KCNMB4: variants seen among roughly 807,000 people sequenced by gnomAD.
KCNMB4 encodes potassium calcium-activated channel subfamily M regulatory beta subunit 4, also known as calcium-activated potassium channel subunit beta-4.
In KCNMB4, 3 loss-of-function variants were observed where a neutral mutation model predicts 20.7. That is an observed-to-expected ratio of 0.14 (90% CI 0.07 to 0.37). The LOEUF is 0.37. Among genes scored for constraint, KCNMB4 ranks in the 10% least tolerant of loss-of-function variants. The pLI is 1.00. For missense variants in KCNMB4, 168 were observed against 265.9 expected, an observed-to-expected ratio of 0.63 and a Z score of 2.56; for synonymous variants, 110 against 113.4, an observed-to-expected ratio of 0.97 and a Z score of 0.19.
At chr12:70,369,064 A>G (rs2172868) in intron 1 of KCNMB4, among the ~76,000 whole-genome samples, 30,272 of 152,146 alleles carry the variant, frequency 0.2, 3,418 homozygotes, top group African/African-American at 0.3. Flanking sequence ...TACCTGAACA[A>G]AATACATTTT....
At chr12:70,389,587 G>T (rs564345376) in intron 1 of KCNMB4, among the ~76,000 whole-genome samples, 1 of 152,246 alleles carries the variant, frequency 6.6e-6, no homozygotes, top group South Asian at 2.1e-4. Flanking sequence ...CCAGCTACTT[G>T]GGGGGCTAAG....
intron 2 of KCNMB4, among the ~76,000 whole-genome samples, chr12:70,423,408 G>C (rs1869121147): frequency 6.6e-6 from 1 of 152,090 alleles, no homozygotes; most frequent in South Asian, 2.1e-4. Context: ...TTCGTTCATA[G>C]ATAGGAAGCA....
chr12:70,402,165 T>G (rs1868469506), intron 2 of KCNMB4, among the ~76,000 whole-genome samples: 1 of 152,144 alleles, frequency 6.6e-6, no homozygotes, highest in Non-Finnish European at 1.5e-5. Context: ...GCCTTTTTAT[T>G]TGCTTTTCCT....
intron 1 of KCNMB4, among the ~76,000 whole-genome samples, chr12:70,396,036 C>T (rs182549077): frequency 3.9e-5 from 6 of 152,280 alleles, no homozygotes; most frequent in Admixed American, 3.9e-4. Context: ...GTGCATTTCT[C>T]TGAGGATGTA....
chr12:70,404,909 AAG>A (rs890433591), intron 2 of KCNMB4, among the ~76,000 whole-genome samples: 4 of 152,210 alleles, frequency 2.6e-5, no homozygotes, highest in Admixed American at 2.6e-4. Context: ...AGCGAAGACA[AAG>A]AGTGCATATT....
chr12:70,373,716 CTTTAGA>C (rs1410034838), intron 1 of KCNMB4, among the ~76,000 whole-genome samples: 11 of 152,166 alleles, frequency 7.2e-5, no homozygotes, highest in African/African-American at 2.7e-4. Context: ...CAGAATATCT[CTTTAGA>C]AACAATCTAA....
chr12:70,390,464 G>T (rs1868290193), intron 1 of KCNMB4, among the ~76,000 whole-genome samples: 2 of 152,180 alleles, frequency 1.3e-5, no homozygotes, highest in Non-Finnish European at 1.5e-5. Flanking sequence ...TTCTCAAAAG[G>T]AGAATAGTCA....
At chr12:70,417,553 A>G (rs1281481425) in intron 2 of KCNMB4, among the ~76,000 whole-genome samples, 1 of 152,248 alleles carries the variant, frequency 6.6e-6, no homozygotes, top group Non-Finnish European at 1.5e-5. Context: ...ATGATCATTC[A>G]TTCTTGGAAA....
intron 2 of KCNMB4, among the ~76,000 whole-genome samples, chr12:70,429,690 AAGTT>A (rs1869308306): frequency 6.6e-6 from 1 of 150,964 alleles, no homozygotes; most frequent in Non-Finnish European, 1.5e-5. Context: ...AAAAAGAAAA[AAGTT>A]AGATTTCCAG....
At chr12:70,372,460 A>T (rs1231485443) in intron 1 of KCNMB4, among the ~76,000 whole-genome samples, 1 of 152,230 alleles carries the variant, frequency 6.6e-6, no homozygotes, top group Non-Finnish European at 1.5e-5. Flanking sequence ...GTCCTGTAGG[A>T]CAGGCAAAAG....
At chr12:70,374,885 T>A (rs1227925448) in intron 1 of KCNMB4, among the ~76,000 whole-genome samples, 1 of 152,160 alleles carries the variant, frequency 6.6e-6, no homozygotes. Context: ...TGGAGAAAAC[T>A]AAATCCTAGA....
chr12:70,422,776 G>A, intron 2 of KCNMB4: 1 of 1,278,884 alleles, frequency 7.8e-7, no homozygotes, highest in Non-Finnish European at 1.0e-6. Context: ...ATCCTTAATA[G>A]GCCCCCGATC....
intron 2 of KCNMB4, among the ~76,000 whole-genome samples, chr12:70,401,785 C>G (rs1868459102): frequency 6.6e-6 from 1 of 152,074 alleles, no homozygotes; most frequent in African/African-American, 2.4e-5. Flanking sequence ...CTCAGTATCC[C>G]CACCACCTGG....
intron 1 of KCNMB4, among the ~76,000 whole-genome samples, chr12:70,397,494 C>T (rs1565860160): frequency 6.6e-6 from 1 of 152,108 alleles, no homozygotes; most frequent in African/African-American, 2.4e-5. Context: ...TTATTTTCTC[C>T]AATGTAAAAA....
intron 1 of KCNMB4, among the ~76,000 whole-genome samples, chr12:70,388,944 A>T (rs10784840): frequency 1.3e-5 from 2 of 150,850 alleles, no homozygotes; most frequent in Non-Finnish European, 2.9e-5. Flanking sequence ...ACCCAGAGAT[A>T]ACTGGTTTTA....
chr12:70,400,698 C>T (rs554757404), intron 2 of KCNMB4, among the ~76,000 whole-genome samples: 2 of 152,282 alleles, frequency 1.3e-5, no homozygotes, highest in South Asian at 4.1e-4. Context: ...GCGTCAATAA[C>T]GTGAGTTCAC....
At chr12:70,378,381 A>G (rs996121995) in intron 1 of KCNMB4, among the ~76,000 whole-genome samples, 1 of 152,204 alleles carries the variant, frequency 6.6e-6, no homozygotes, top group Non-Finnish European at 1.5e-5. Context: ...CCAAACTCCT[A>G]TAATGTTATT....
chr12:70,370,153 GAAGAC>G (rs1883564903), intron 1 of KCNMB4, among the ~76,000 whole-genome samples: 1 of 152,074 alleles, frequency 6.6e-6, no homozygotes, highest in African/African-American at 2.4e-5. Context: ...ATTCTAATGT[GAAGAC>G]AAGATTCAAA....
At chr12:70,415,920 T>C (rs1257165937) in intron 2 of KCNMB4, among the ~76,000 whole-genome samples, 1 of 152,212 alleles carries the variant, frequency 6.6e-6, no homozygotes, top group Non-Finnish European at 1.5e-5. Context: ...CACACAAATA[T>C]GGCCCTGGTC....
Sources: allele counts gnomAD v4.1 joint callset (sites outside exome capture counted in the v4.1 genomes callset), GRCh38; gene constraint gnomAD v4.1.1; transcripts MANE v1.5; gene names NCBI Gene and HGNC (gene_info 2026-07-23, HGNC 2026-07-21).